Variants in ELP4 observed in about 807,000 individuals in gnomAD.
ELP4 encodes elongator acetyltransferase complex subunit 4, also known as elongator complex protein 4.
Under a neutral mutation model 48.9 loss-of-function variants are expected in ELP4, and 51 were observed. The observed-to-expected ratio is 1.04, with a 90% CI of 0.83 to 1.32. The LOEUF (loss-of-function observed/expected upper bound fraction) is 1.32. Among genes scored for constraint, ELP4 ranks in the 40% most tolerant of loss-of-function variants. The pLI is 0.00. For missense variants in ELP4, 519 were observed against 514.6 expected, an observed-to-expected ratio of 1.01 and a Z score of -0.08; for synonymous variants, 210 against 189.2, an observed-to-expected ratio of 1.11 and a Z score of -0.90.
chr11:31,757,176 T>A (rs1377406307), intron 9 of ELP4, among the ~76,000 whole-genome samples: 1 of 152,232 alleles, frequency 6.6e-6, no homozygotes, highest in African/African-American at 2.4e-5. Flanking sequence ...TAATTACTGA[T>A]GAGTTTACTT....
rs1944876040 is a variant in ELP4 at position 31,632,215 on chromosome 11, A to G, written c.739-2A>G. On this transcript the variant is annotated splice_acceptor_variant, in intron 6 of 9. Coordinates refer to ENST00000640961, the MANE Select transcript of ELP4 (RefSeq NM_019040.5). LOFTEE classifies it high-confidence loss of function. ...GTTTGCTTTTTTCCCACTTTCTTTT[A>G]GAAAAAACAGAGAAACATTTTAAGA... 6.3e-7 allele frequency: 1 copy of G among 1,594,462 alleles called. No individual in the cohort carries two copies. Among genetic ancestry groups the G allele is most frequent in the Non-Finnish European group, 8.5e-7 (1 of 1,173,768 alleles).
At chr11:31,576,276 C>G (rs1398677301) in intron 3 of ELP4, among the ~76,000 whole-genome samples, 1 of 152,144 alleles carries the variant, frequency 6.6e-6, no homozygotes, top group Non-Finnish European at 1.5e-5. Context: ...TGCAGGAGCA[C>G]CCAGATTCAT....
At chr11:31,518,357 C>G (rs1956156107) in intron 1 of ELP4, among the ~76,000 whole-genome samples, 2 of 151,692 alleles carry the variant, frequency 1.3e-5, no homozygotes, top group African/African-American at 4.8e-5. Flanking sequence ...CCGCCCGCCT[C>G]AGCCTCCCAA....
intron 5 of ELP4, among the ~76,000 whole-genome samples, chr11:31,609,388 T>C (rs1334972230): frequency 4.6e-5 from 7 of 152,150 alleles, no homozygotes; most frequent in Non-Finnish European, 8.8e-5. Context: ...GCACCATATG[T>C]TAGGAGCAGA....
chr11:31,632,049 A>T (rs750920571), intron 6 of ELP4, among the ~76,000 whole-genome samples, 168 bp from the exon 7 acceptor site: 1 of 152,106 alleles, frequency 6.6e-6, no homozygotes, highest in Non-Finnish European at 1.5e-5. Flanking sequence ...CTTGTAATCT[A>T]AACAGTTTCA....
chr11:31,634,447 G>A (rs1488515206), intron 7 of ELP4: 2 of 151,904 alleles, frequency 1.3e-5, no homozygotes, highest in Admixed American at 6.6e-5. Flanking sequence ...TTATTCCAAA[G>A]GGGCCTCTGT....
chr11:31,633,515 T>C (rs1160781932), intron 7 of ELP4: 1 of 152,106 alleles, frequency 6.6e-6, no homozygotes, highest in African/African-American at 2.4e-5. Context: ...GATTCGGTTT[T>C]CCTTGAAGGG....
intron 9 of ELP4, among the ~76,000 whole-genome samples, chr11:31,741,840 T>G (rs1261988875): frequency 1.3e-5 from 2 of 152,122 alleles, no homozygotes; most frequent in African/African-American, 4.8e-5. Context: ...TCACAGCGCC[T>G]CTCCTTCTGC....
chr11:31,561,994 A>G (rs1180435197), intron 3 of ELP4, among the ~76,000 whole-genome samples: 2 of 152,188 alleles, frequency 1.3e-5, no homozygotes, highest in Non-Finnish European at 2.9e-5. Flanking sequence ...AGTCAGTGCC[A>G]TCCATAGGCA....
At chr11:31,531,064 G>T (rs1335444553) in intron 2 of ELP4, among the ~76,000 whole-genome samples, 1 of 152,046 alleles carries the variant, frequency 6.6e-6, no homozygotes, top group Non-Finnish European at 1.5e-5. Context: ...CTCAAAATTT[G>T]TTTCACAAAA....
chr11:31,735,510 A>G (rs1267822613), intron 9 of ELP4, among the ~76,000 whole-genome samples: 1 of 152,224 alleles, frequency 6.6e-6, no homozygotes, highest in Non-Finnish European at 1.5e-5. Context: ...CAGGGCATTC[A>G]ACTAAGAAAA....
chr11:31,544,039 A>G (rs1028581465), intron 3 of ELP4, among the ~76,000 whole-genome samples: 6 of 152,368 alleles, frequency 3.9e-5, no homozygotes, highest in Middle Eastern at 3.4e-3. Flanking sequence ...CCGAATAGGA[A>G]CAGCTCCGGT....
intron 3 of ELP4, among the ~76,000 whole-genome samples, chr11:31,552,203 G>T (rs1956864779): frequency 6.6e-6 from 1 of 152,054 alleles, no homozygotes; most frequent in South Asian, 2.1e-4. Flanking sequence ...TTCTTTGCTA[G>T]TTCTTACTTA....
intron 5 of ELP4, among the ~76,000 whole-genome samples, chr11:31,626,397 A>G (rs1276652782): frequency 2.6e-5 from 4 of 151,814 alleles, no homozygotes; most frequent in African/African-American, 9.7e-5. Context: ...CAGATTGTCC[A>G]TTATGCAGAA....
At chr11:31,569,033 C>T (rs1056457282) in intron 3 of ELP4, among the ~76,000 whole-genome samples, 4 of 150,554 alleles carry the variant, frequency 2.7e-5, no homozygotes, top group Non-Finnish European at 5.9e-5. Context: ...TGCAGTGAGC[C>T]GAGATCGTGC....
intron 3 of ELP4, among the ~76,000 whole-genome samples, chr11:31,560,018 A>C (rs919146835): frequency 3.3e-5 from 5 of 152,052 alleles, no homozygotes; most frequent in African/African-American, 1.2e-4. Context: ...CAATCTTATT[A>C]GTGCCCCACA....
Position 31,627,144 on chromosome 11 carries a change from T to C in ELP4, c.688T>C (p.Phe230Leu). 6.2e-7 allele frequency: 1 copy of C among 1,608,002 alleles called. No individual in the cohort carries two copies. Among genetic ancestry groups the C allele is most frequent in the South Asian group, 1.1e-5 (1 of 90,144 alleles). The change falls in exon 6 of 10, where the codon TTT becomes CTT. Residue 230 changes from phenylalanine to leucine, a missense_variant. Coordinates refer to ENST00000640961, the MANE Select transcript of ELP4 (RefSeq NM_019040.5). ...CCCTGGCTACACAAAGCTGCTTCAG[T>C]TTATCCAGAACATCATTTATGAGGA... ...LTPGYTKLLQ[F>L]IQNIIYEEGF...
rs115455284 is a variant in ELP4, at chr11:31,515,721, C to T, written c.224-4335C>T. Among the ~76,000 whole-genome samples the T allele has an allele frequency of 3.4e-3, 522 of 152,198 alleles. 4 individuals carry two copies. Among genetic ancestry groups the T allele is most frequent in the African/African-American group, 0.012 (503 of 41,524 alleles). Reference sequence around the variant, plus strand: ...GGTAAAGGTAGCTCTTTCTGAGTACCTTTCTGGGCCAGATACCTCTACTTG... The same window carrying T: ...GGTAAAGGTAGCTCTTTCTGAGTACTTTTCTGGGCCAGATACCTCTACTTG... On this transcript the variant is annotated intron_variant, in intron 1 of 9. Transcript: ENST00000640961.
intron 5 of ELP4, among the ~76,000 whole-genome samples, chr11:31,618,307 C>G (rs1944540571): frequency 6.6e-6 from 1 of 152,050 alleles, no homozygotes; most frequent in African/African-American, 2.4e-5. Context: ...TCTCATAGTT[C>G]TGAAAGTTTG....
Sources: gnomAD v4.1 joint callset for allele counts (sites outside exome capture counted in the v4.1 genomes callset) on GRCh38, gnomAD v4.1.1 for gene constraint, MANE v1.5 for transcripts, NCBI Gene and HGNC (gene_info 2026-07-23, HGNC 2026-07-21) for gene names.